The following KNL1 variants were observed in gnomAD, a reference collection of about 807,000 sequenced individuals.
KNL1 encodes outer kinetochore KNL1 complex subunit KNL1.
A neutral mutation model predicts 201.3 loss-of-function variants in KNL1; 66 were observed. The observed-to-expected ratio is 0.33, with a 90% CI of 0.27 to 0.40. The LOEUF is 0.40. KNL1 is among the 10% of genes least tolerant of loss of function. KNL1 has a pLI of 1.00. For missense variants in KNL1, 2,815 were observed against 2,690.5 expected (o/e 1.05, Z -1.02); for synonymous variants, 895 against 899.2 (o/e 1.00, Z 0.08).
intron 13 of KNL1, among the ~76,000 whole-genome samples, chr15:40,633,458 A>G (rs1892972284): frequency 6.6e-6 from 1 of 152,184 alleles, no homozygotes; most frequent in African/African-American, 2.4e-5. Context: ...AGGGTAGTAC[A>G]TATAATTATG....
At chr15:40,604,116 T>TATCATCATCATCATCATC (rs71104704) in intron 2 of KNL1, among the ~76,000 whole-genome samples, 2 of 149,434 alleles carry the variant, frequency 1.3e-5, no homozygotes, top group Admixed American at 1.3e-4. Flanking sequence ...CTGTCTCACA[T>TATCATCATCATCATCATC]ATCATCATCA....
chr15:40,655,453 CGG>C (rs1893695289), intron 22 of KNL1, among the ~76,000 whole-genome samples: 1 of 150,574 alleles, frequency 6.6e-6, no homozygotes, highest in Non-Finnish European at 1.5e-5. Flanking sequence ...TAGTTGGGCG[CGG>C]TGATGGGTGC....
At chr15:40,650,247 T>G in intron 17 of KNL1, 54 bp from the exon 18 acceptor site, 2 of 1,127,162 alleles carry the variant, frequency 1.8e-6, no homozygotes, top group South Asian at 1.4e-5. Flanking sequence ...TTACTTTGTT[T>G]TCTTTTTTTA....
chr15:40,625,953 A>T, intron 10 of KNL1: 1 of 229,280 alleles, frequency 4.4e-6, no homozygotes, highest in Non-Finnish European at 8.6e-6. Flanking sequence ...ACCTCTAGTG[A>T]TTTGTCAATT....
intron 25 of KNL1, among the ~76,000 whole-genome samples, chr15:40,659,873 TGAG>T (rs1893853592): frequency 7.0e-6 from 1 of 143,874 alleles, no homozygotes; most frequent in African/African-American, 2.5e-5. Context: ...TCAGTTCTCT[TGAG>T]TTCATTTTGA....
rs1366046555 is a variant in KNL1, at chr15:40,663,461, A to C, written c.*1273A>C. ...TTGTTTTTGTGTTTGTGATGTAGTA[A>C]GGAGATGTACATAGAAATTCATTGA... On this transcript the variant is annotated 3_prime_UTR_variant, in exon 26 of 26. Coordinates refer to ENST00000399668, the MANE Select transcript of KNL1 (RefSeq NM_144508.5). 1 of 186,444 alleles carries C rather than the reference A, an allele frequency of 5.4e-6. No individual in the cohort carries two copies. Among genetic ancestry groups the C allele is most frequent in the African/African-American group, 2.3e-5 (1 of 42,866 alleles). The allele number at this position is 186,444 out of a possible 1,614,324, so 11.5% of individuals were successfully genotyped here.
chr15:40,651,484 C>T lies in KNL1; in HGVS notation c.6226C>T (p.Leu2076=). 1 of 1,603,774 alleles carries T rather than the reference C, an allele frequency of 6.2e-7. No individual in the cohort carries two copies. Reference sequence around the variant, plus strand: ...TTTTATTTGCAGAAATCTCTTAGAACTGGAGGTACAAAAAGAGCAGACCCT... The same window carrying T: ...TTTTATTTGCAGAAATCTCTTAGAATTGGAGGTACAAAAAGAGCAGACCCT... ...EEELQRNLLE[L]EVQKEQTLAQ... The change falls in exon 20 of 26, where the codon CTG becomes TTG. Residue 2076 remains leucine (L), a synonymous_variant. Transcript: ENST00000399668.
intron 14 of KNL1, among the ~76,000 whole-genome samples, chr15:40,644,122 TCA>T (rs1893317102): frequency 6.6e-6 from 1 of 152,224 alleles, no homozygotes; most frequent in Non-Finnish European, 1.5e-5. Flanking sequence ...CTGAGTTCCC[TCA>T]GTTTTTATTG....
intron 19 of KNL1, 46 bp downstream of exon 19, chr15:40,650,629 G>A: frequency 6.7e-7 from 1 of 1,496,098 alleles, no homozygotes; most frequent in Non-Finnish European, 8.9e-7. Context: ...CTAAATCACA[G>A]AAGGCTAGAT....
rs1168718053 is a variant in KNL1 at position 40,620,893 on chromosome 15, A to G, written c.629A>G (p.Glu210Gly). 6.3e-7 allele frequency: 1 copy of G among 1,597,854 alleles called. No individual in the cohort carries two copies. The highest frequency in any genetic ancestry group is 8.5e-7 in the Non-Finnish European group (1 of 1,174,944). Reference protein sequence around the residue: ...NFSVDQNTSSENKIDFNDFIK... With the variant: ...NFSVDQNTSSGNKIDFNDFIK... ...TCCGTGGATCAAAACACTTCTTCAG[A>G]AAATAAAATAGATTTCAATGACTTC... The change falls in exon 10 of 26, where the codon GAA becomes GGA. Residue 210 changes from glutamate to glycine, a missense_variant. Transcript: ENST00000399668.
chr15:40,603,676 A>G (rs1891882422), intron 2 of KNL1, among the ~76,000 whole-genome samples: 1 of 152,148 alleles, frequency 6.6e-6, no homozygotes, highest in African/African-American at 2.4e-5. Context: ...TTTGCCCAGG[A>G]AAGAATTCAT....
At chr15:40,614,075 G>A (rs1041427298) in intron 7 of KNL1, among the ~76,000 whole-genome samples, 6 of 150,494 alleles carry the variant, frequency 4.0e-5, no homozygotes, top group Non-Finnish European at 8.8e-5. Flanking sequence ...TGGGATTACA[G>A]GCGTGAGCCA....
chr15:40,608,760 A>AG (rs968583426), intron 4 of KNL1, 87 bp from the exon 5 acceptor site: 1 of 894,810 alleles, frequency 1.1e-6, no homozygotes, highest in Non-Finnish European at 1.7e-6. Flanking sequence ...AAAAAAAAAA[A>AG]AGGACTTGAT....
rs187189745 is a variant in KNL1 at position 40,600,207 on chromosome 15, C to G, written c.-17-2708C>G. Among the ~76,000 whole-genome samples the G allele has an allele frequency of 7.7e-3, 1,170 of 151,738 alleles. 19 individuals carry two copies. Among genetic ancestry groups the G allele is most frequent in the African/African-American group, 0.027 (1,112 of 41,354 alleles). On this transcript the variant is annotated intron_variant, in intron 1 of 25. Transcript: ENST00000399668. ...TCTCCTGCCTCAGCCTCCTTAGTAG[C>G]TGGGATTACAGGCACCCACCACCAT...
chr15:40,646,718 A>C (rs186785068), intron 16 of KNL1: 3 of 203,844 alleles, frequency 1.5e-5, no homozygotes, highest in African/African-American at 7.1e-5. Flanking sequence ...TTAGCCAGGC[A>C]TGGTGGCAGG....
chr15:40,643,121 C>G (rs1309717170), intron 14 of KNL1: 1 of 152,164 alleles, frequency 6.6e-6, no homozygotes, highest in Non-Finnish European at 1.5e-5. Flanking sequence ...AACTTTGCTG[C>G]TTTTATAGAT....
chr15:40,624,509 A>T lies in KNL1; in HGVS notation c.4245A>T (p.Lys1415Asn), dbSNP rs761263284. The change falls in exon 10 of 26, where the codon AAA becomes AAT. Residue 1415 changes from lysine (K) to asparagine (N), a missense_variant. By Grantham distance (94) the Lys-to-Asn change is moderately conservative. This residue lies in a region of KNL1 where 2,464 missense variants were observed against 2,291.7 expected (regional missense o/e 1.08). Coordinates refer to ENST00000399668, the MANE Select transcript of KNL1 (RefSeq NM_144508.5). Reference sequence around the variant, plus strand: ...GTCAAGATCTGGGGGAGATGACTAAACTTAATTCAAAGCGAGTATCTTTTA... The same window carrying T: ...GTCAAGATCTGGGGGAGATGACTAATCTTAATTCAAAGCGAGTATCTTTTA... ...VYSQDLGEMT[K>N]LNSKRVSFKL... 6.2e-7 allele frequency: 1 copy of T among 1,613,758 alleles called. No individual in the cohort carries two copies. Among genetic ancestry groups the T allele is most frequent in the East Asian group, 2.2e-5 (1 of 44,870 alleles).
intron 21 of KNL1, 118 bp from the exon 22 acceptor site, chr15:40,654,791 C>G (rs1300115413): frequency 4.3e-6 from 3 of 698,044 alleles, no homozygotes; most frequent in Non-Finnish European, 7.4e-6. Flanking sequence ...ATCGCTTGAA[C>G]CTGGGAGGCT....
At position 40,635,648 on chromosome 15, in the gene KNL1, C is replaced by T. The variant is rs116946881; in HGVS notation, c.5683-5264C>T. On this transcript the variant is annotated intron_variant, in intron 13 of 25. Transcript: ENST00000399668. ...GGATTATAGGTGTAAGCCACCACAC[C>T]CACCTGGGGAATGTATTCTTGAGGC... Among the ~76,000 whole-genome samples, 878 of 152,228 alleles carry T rather than the reference C, an allele frequency of 5.8e-3. 7 individuals carry two copies. Among genetic ancestry groups the T allele is most frequent in the Middle Eastern group, 6.8e-3 (2 of 294 alleles).
Sources: gnomAD v4.1 joint callset for allele counts (sites outside exome capture counted in the v4.1 genomes callset) on GRCh38, gnomAD v4.1.1 for gene constraint, gnomAD v4.1.1 regional missense constraint, MANE v1.5 for transcripts, NCBI Gene and HGNC (gene_info 2026-07-23, HGNC 2026-07-21) for gene names.